The following CUEDC1 variants were observed in gnomAD, a reference collection of about 807,000 sequenced individuals.
The protein encoded by CUEDC1 is CUE domain containing 1.
Under a neutral mutation model 43.7 loss-of-function variants are expected in CUEDC1, and 30 were observed. The ratio of observed to expected loss-of-function variants is 0.69; its 90% CI spans 0.51 to 0.93. The LOEUF (loss-of-function observed/expected upper bound fraction) is 0.93. CUEDC1 is among the 40% of genes least tolerant of loss of function. The pLI is 0.00. For synonymous variants in CUEDC1, 223 were observed against 223.6 expected (o/e 1.00, Z 0.02); for missense variants, 486 against 549.0 (o/e 0.89, Z 1.15).
intron 1 of CUEDC1, among the ~76,000 whole-genome samples, chr17:57,903,612 G>T (rs11867703): frequency 0.1 from 15,613 of 152,042 alleles, 896 homozygotes; most frequent in South Asian, 0.13. Flanking sequence ...GGTCCACAGA[G>T]AAAATACAGG....
intron 1 of CUEDC1, among the ~76,000 whole-genome samples, chr17:57,949,639 T>G (rs766510673): frequency 6.8e-5 from 10 of 147,058 alleles, no homozygotes; most frequent in Non-Finnish European, 1.5e-4. Context: ...GTGGTGCAAT[T>G]TCAGCTCACT....
At chr17:57,952,826 C>A (rs184314345) in intron 1 of CUEDC1, among the ~76,000 whole-genome samples, 1 of 152,304 alleles carries the variant, frequency 6.6e-6, no homozygotes, top group East Asian at 1.9e-4. Context: ...AGGAAGTCTT[C>A]TCAGTCCCAA....
At chr17:57,947,467 T>C (rs1172521324) in intron 1 of CUEDC1, among the ~76,000 whole-genome samples, 2 of 152,216 alleles carry the variant, frequency 1.3e-5, no homozygotes, top group Admixed American at 1.3e-4. Context: ...ACTGTTATAC[T>C]ACATGTTTTT....
At chr17:57,935,810 C>A (rs2074856455) in intron 1 of CUEDC1, among the ~76,000 whole-genome samples, 1 of 152,178 alleles carries the variant, frequency 6.6e-6, no homozygotes, top group Non-Finnish European at 1.5e-5. Context: ...ACTGGCACCC[C>A]TCTCCTGGGC....
At chr17:57,897,723 C>T (rs2074427983) in intron 1 of CUEDC1, among the ~76,000 whole-genome samples, 1 of 147,794 alleles carries the variant, frequency 6.8e-6, no homozygotes, top group Admixed American at 6.8e-5. Flanking sequence ...TTTTACAAAA[C>T]CTGAATTATG....
chr17:57,879,655 C>T lies in CUEDC1; in HGVS notation c.420G>A (p.Val140=). The change falls in exon 3 of 11, where the codon GTG becomes GTA. Residue 140 remains valine (V), a synonymous_variant. Transcript: ENST00000577830. The part of the protein sequence containing the change: ...VYSPPAYHMH[V]FDRPYPLAPP... ...GAGCCAGAGGGTAGGGCCGGTCGAA[C>T]ACGTGCATGTGGTAGGCTGGCGGGG... 6.2e-7 allele frequency: 1 copy of T among 1,604,210 alleles called. No individual in the cohort carries two copies. Among genetic ancestry groups the T allele is most frequent in the Non-Finnish European group, 8.5e-7 (1 of 1,176,774 alleles).
At chr17:57,873,105 CT>C (rs2074059102) in intron 4 of CUEDC1, among the ~76,000 whole-genome samples, 2 of 152,248 alleles carry the variant, frequency 1.3e-5, no homozygotes, top group Non-Finnish European at 2.9e-5. Context: ...ATACCTTCAT[CT>C]ACAACCTGAA....
chr17:57,865,862 G>C (rs1332421754), intron 10 of CUEDC1, among the ~76,000 whole-genome samples: 1 of 143,826 alleles, frequency 7.0e-6, no homozygotes, highest in Non-Finnish European at 1.5e-5. Context: ...CACTCTTGTC[G>C]CCCAGGCTGG....
intron 1 of CUEDC1, among the ~76,000 whole-genome samples, chr17:57,940,872 T>C (rs746122119): frequency 6.6e-6 from 1 of 152,160 alleles, no homozygotes; most frequent in Non-Finnish European, 1.5e-5. Context: ...AAGAAACAGT[T>C]CTACAGGTGC....
chr17:57,918,756 G>A (rs2074669706), intron 1 of CUEDC1, among the ~76,000 whole-genome samples: 1 of 152,224 alleles, frequency 6.6e-6, no homozygotes, highest in Non-Finnish European at 1.5e-5. Context: ...CTAAGGCTTT[G>A]ACAAAAATAA....
At chr17:57,882,851 AAT>A (rs1259837469) in intron 2 of CUEDC1, among the ~76,000 whole-genome samples, 1 of 152,174 alleles carries the variant, frequency 6.6e-6, no homozygotes, top group Non-Finnish European at 1.5e-5. Context: ...CAACACACAA[AAT>A]ATATGTTAGT....
intron 4 of CUEDC1, 34 bp downstream of exon 4, chr17:57,873,557 G>C: frequency 2.0e-6 from 3 of 1,519,436 alleles, no homozygotes; most frequent in Non-Finnish European, 2.7e-6. Context: ...TGGACAAGCA[G>C]GTGGGAGTGG....
Position 57,926,656 on chromosome 17 carries a change from T to C in CUEDC1, c.-316+28569A>G, listed in dbSNP as rs151262095. ...TACAAATTTTAAAATAAAAAATAAA[T>C]TTAAAGCTGTCAAATTCTAAACAAA... On this transcript the variant is annotated intron_variant, in intron 1 of 10. Coordinates refer to ENST00000577830, the MANE Select transcript of CUEDC1 (RefSeq NM_001271875.2). 1.7e-3 allele frequency among the ~76,000 whole-genome samples: 261 copies of C among 152,234 alleles called. 2 individuals carry two copies. The highest frequency in any genetic ancestry group is 6.1e-3 in the African/African-American group (254 of 41,548).
Position 57,955,238 on chromosome 17 carries a change from G to T in CUEDC1, c.-329C>A. 6.9e-6 allele frequency: 1 copy of T among 145,236 alleles called. No individual in the cohort carries two copies. Among genetic ancestry groups the T allele is most frequent in the South Asian group, 1.8e-4 (1 of 5,450 alleles). 9.0% of individuals were successfully genotyped at this position (145,236 alleles called of 1,614,324 possible). On this transcript the variant is annotated 5_prime_UTR_variant, in exon 1 of 11. Coordinates refer to ENST00000577830, the MANE Select transcript of CUEDC1 (RefSeq NM_001271875.2). The surrounding 1 kb of genome is among the most constrained non-coding windows in gnomAD (Gnocchi z 5.3). ...CGGGGGTCTTACCGGGCAGCGCCAC[G>T]CGCGTCCGCTCCGCGCGGGCCGCAG...
chr17:57,905,329 C>T (rs1176047800), intron 1 of CUEDC1, among the ~76,000 whole-genome samples: 1 of 151,786 alleles, frequency 6.6e-6, no homozygotes, highest in Non-Finnish European at 1.5e-5. Context: ...AGCTCTAAGT[C>T]ACTCTGGTAT....
At chr17:57,878,647 ATTAT>A (rs10528320) in intron 3 of CUEDC1, among the ~76,000 whole-genome samples, 38,173 of 147,200 alleles carry the variant, frequency 0.26, 5,154 homozygotes, top group Non-Finnish European at 0.28. Context: ...AACTACCTTG[ATTAT>A]TTATTTATTT....
intron 2 of CUEDC1, among the ~76,000 whole-genome samples, chr17:57,883,781 G>A (rs1248554824): frequency 6.6e-6 from 1 of 152,150 alleles, no homozygotes; most frequent in Non-Finnish European, 1.5e-5. Flanking sequence ...CACTTAGGAT[G>A]ATGCCTGGCA....
chr17:57,872,790 C>G lies in CUEDC1; in HGVS notation c.657G>C (p.Gly219=). The change falls in exon 5 of 11, where the codon GGG becomes GGC. Residue 219 remains glycine, a synonymous_variant. Transcript: ENST00000577830. ...EGCPPAMAGP[G]PGDQESRWKQ... ...TCCAGCGGCTCTCCTGGTCTCCGGG[C>G]CCTGGCCCAGCCATGGCAGGTGGAC... The G allele has an allele frequency of 6.2e-7, 1 of 1,614,222 alleles. No individual in the cohort carries two copies. Among genetic ancestry groups the G allele is most frequent in the Non-Finnish European group, 8.5e-7 (1 of 1,180,042 alleles).
chr17:57,870,177 G>T (rs549718515), intron 6 of CUEDC1, among the ~76,000 whole-genome samples: 2 of 152,354 alleles, frequency 1.3e-5, no homozygotes, highest in East Asian at 3.9e-4. Context: ...TGGGCAGCTT[G>T]TGTACATGTG....
Sources: allele counts gnomAD v4.1 joint callset (sites outside exome capture counted in the v4.1 genomes callset), GRCh38; gene constraint gnomAD v4.1.1; non-coding constraint Gnocchi (gnomAD v3.1); transcripts MANE v1.5; gene names NCBI Gene and HGNC (gene_info 2026-07-23, HGNC 2026-07-21).